ANKRD29: variants seen among roughly 807,000 people sequenced by gnomAD.
The protein encoded by ANKRD29 is ankyrin repeat domain-containing protein 29.
Under a neutral mutation model 38.0 loss-of-function variants are expected in ANKRD29, and 32 were observed. The observed-to-expected ratio is 0.84, with a 90% CI of 0.64 to 1.13. The LOEUF (loss-of-function observed/expected upper bound fraction) is 1.13. Among genes scored for constraint, ANKRD29 ranks in the 50% most tolerant of loss-of-function variants. The probability of loss-of-function intolerance (pLI) is 0.00; values close to 1 mark genes in which losing one functional copy is unlikely to be tolerated. For synonymous variants in ANKRD29, 135 were observed against 152.4 expected, an observed-to-expected ratio of 0.89 and a Z score of 0.84; for missense variants, 357 against 377.9, an observed-to-expected ratio of 0.94 and a Z score of 0.46.
In ANKRD29 at chr18:23,616,594, A is replaced by AT. The variant is rs1568013855; in HGVS notation, c.723+1137_723+1138insA. Among the ~76,000 whole-genome samples the AT allele has an allele frequency of 1.1e-4, 15 of 141,244 alleles. No individual in the cohort carries two copies. The East Asian group carries it at 1.6e-3, about 15-fold the overall frequency. The allele number at this position is 141,244 out of a possible 152,430, so 92.7% of individuals were successfully genotyped here. A position where few individuals can be genotyped will look rare whatever the true frequency, so the allele number is the denominator to read the frequency against. ...ATATATACAGTATATATATATATAT[A>AT]CTATATATACTATATATATAGTGTA... On this transcript the variant is annotated intron_variant, in intron 8 of 9. Transcript: ENST00000592179.
At chr18:23,604,446 G>C (rs566649495) in intron 9 of ANKRD29, among the ~76,000 whole-genome samples, 1 of 152,168 alleles carries the variant, frequency 6.6e-6, no homozygotes, top group East Asian at 1.9e-4. Context: ...TTTCTGCTGA[G>C]ATCATCTGGA....
intron 4 of ANKRD29, 147 bp downstream of exon 4, chr18:23,638,702 C>G (rs1232229884): frequency 6.1e-6 from 4 of 651,522 alleles, no homozygotes; most frequent in Non-Finnish European, 7.5e-6. Context: ...TGAACCACTA[C>G]AAGTAACCTT....
intron 5 of ANKRD29, among the ~76,000 whole-genome samples, chr18:23,632,569 C>CT (rs1043413001): frequency 7.0e-6 from 1 of 141,918 alleles, no homozygotes; most frequent in Non-Finnish European, 1.5e-5. Context: ...CAGATATACT[C>CT]TACCTATATA....
chr18:23,639,397 A>G (rs1372575296), intron 3 of ANKRD29, among the ~76,000 whole-genome samples: 1 of 152,210 alleles, frequency 6.6e-6, no homozygotes, highest in Non-Finnish European at 1.5e-5. Context: ...GTATCCATAC[A>G]ATGGACTATT....
intron 6 of ANKRD29, 27 bp downstream of exon 6, chr18:23,629,826 C>T (rs367904467): frequency 1.2e-5 from 19 of 1,602,668 alleles, no homozygotes; most frequent in African/African-American, 8.0e-5. Context: ...GCCATGTGCT[C>T]GGGCAAATGT....
intron 3 of ANKRD29, among the ~76,000 whole-genome samples, chr18:23,643,423 A>C (rs765814604): frequency 3.3e-5 from 5 of 152,222 alleles, no homozygotes; most frequent in Non-Finnish European, 5.9e-5. Context: ...ATAGATATTA[A>C]ATTTTAGAGA....
intron 3 of ANKRD29, among the ~76,000 whole-genome samples, chr18:23,643,265 A>AT (rs2060100325): frequency 6.6e-6 from 1 of 152,002 alleles, no homozygotes; most frequent in Admixed American, 6.6e-5. Context: ...TGCAGGTGTG[A>AT]TTTTCTCCTT....
In ANKRD29 at chr18:23,646,305, A is replaced by G. The variant is rs773628656; in HGVS notation, c.133-18T>C. The G allele has an allele frequency of 1.2e-6, 2 of 1,610,174 alleles. No homozygotes were observed. Among genetic ancestry groups the G allele is most frequent in the Admixed American group, 3.3e-5 (2 of 60,010 alleles). On this transcript the variant is annotated intron_variant, in intron 2 of 9. Coordinates refer to ENST00000592179, the MANE Select transcript of ANKRD29 (RefSeq NM_173505.4). ...GTGCCATGCTGGATGGAGGAGAGAC[A>G]GATGAAGAGTTAGGCCACTGCTATG...
At chr18:23,633,610 AC>A (rs1355701666) in intron 5 of ANKRD29, among the ~76,000 whole-genome samples, 8 of 152,262 alleles carry the variant, frequency 5.3e-5, no homozygotes, top group African/African-American at 1.9e-4. Flanking sequence ...TCACTATGTC[AC>A]CCAGGCTGGA....
At chr18:23,649,406 T>A in intron 1 of ANKRD29, 1 of 703,590 alleles carries the variant, frequency 1.4e-6, no homozygotes, top group Non-Finnish European at 2.6e-6. Context: ...AAGAGCAGTG[T>A]TGTTGATAAT....
At chr18:23,653,662 C>G (rs917716068) in intron 1 of ANKRD29, among the ~76,000 whole-genome samples, 1 of 144,766 alleles carries the variant, frequency 6.9e-6, no homozygotes, top group African/African-American at 2.6e-5. Flanking sequence ...AGTCTCGATC[C>G]GTTGCCCAGG....
At chr18:23,635,663 A>G (rs990770044) in intron 4 of ANKRD29, among the ~76,000 whole-genome samples, 1 of 152,200 alleles carries the variant, frequency 6.6e-6, no homozygotes, top group Non-Finnish European at 1.5e-5. Flanking sequence ...TTTATTCAAA[A>G]TGCCTACTCA....
intron 1 of ANKRD29, among the ~76,000 whole-genome samples, chr18:23,661,524 G>A (rs1271963238): frequency 6.6e-6 from 1 of 152,220 alleles, no homozygotes; most frequent in East Asian, 1.9e-4. Flanking sequence ...TCGCCAACAT[G>A]GCAGAACCCC....
At chr18:23,610,285 G>C (rs1206839312) in intron 9 of ANKRD29, among the ~76,000 whole-genome samples, 1 of 152,096 alleles carries the variant, frequency 6.6e-6, no homozygotes, top group Admixed American at 6.5e-5. Flanking sequence ...AGACCATCCT[G>C]GTCAACGTGG....
intron 8 of ANKRD29, among the ~76,000 whole-genome samples, chr18:23,614,199 T>C (rs1262789373): frequency 1.3e-5 from 2 of 151,946 alleles, no homozygotes; most frequent in African/African-American, 4.8e-5. Context: ...GTAGCTGGGA[T>C]TACAGGTGTA....
chr18:23,611,688 G>T (rs1346044989), intron 9 of ANKRD29, among the ~76,000 whole-genome samples: 2 of 151,754 alleles, frequency 1.3e-5, no homozygotes, highest in Non-Finnish European at 2.9e-5. Flanking sequence ...CCCTCTCAAA[G>T]AAAAAAAGAA....
chr18:23,656,823 T>G (rs2145740657), intron 1 of ANKRD29, among the ~76,000 whole-genome samples: 1 of 152,354 alleles, frequency 6.6e-6, no homozygotes, highest in East Asian at 1.9e-4. Context: ...AATGCAAATC[T>G]CAGACTGGCC....
chr18:23,616,604 C>A (rs2059725151), intron 8 of ANKRD29, among the ~76,000 whole-genome samples: 4 of 131,282 alleles, frequency 3.0e-5, no homozygotes, highest in African/African-American at 1.2e-4. Context: ...ACTATATATA[C>A]TATATATATA....
chr18:23,639,752 T>A (rs982887168), intron 3 of ANKRD29, among the ~76,000 whole-genome samples: 2 of 152,112 alleles, frequency 1.3e-5, no homozygotes, highest in Non-Finnish European at 2.9e-5. Flanking sequence ...ACCAGGCTGG[T>A]CTCAAAGTCC....
Sources: gnomAD v4.1 joint callset for allele counts (sites outside exome capture counted in the v4.1 genomes callset) on GRCh38, gnomAD v4.1.1 for gene constraint, MANE v1.5 for transcripts, NCBI Gene and HGNC (gene_info 2026-07-23, HGNC 2026-07-21) for gene names.